The following HEATR6 variants were observed in gnomAD, a reference collection of about 807,000 sequenced individuals.
The protein encoded by HEATR6 is HEAT repeat containing 6.
HEATR6 carries 106 observed loss-of-function variants against 132.8 expected under a neutral mutation model. The ratio of observed to expected loss-of-function variants is 0.80; its 90% confidence interval spans 0.68 to 0.94. HEATR6 has a LOEUF of 0.94. Among genes scored for constraint, HEATR6 ranks in the 40% least tolerant of loss-of-function variants. The pLI is 0.00. For missense variants in HEATR6, 1,339 were observed against 1,425.1 expected (o/e 0.94, Z 0.97); for synonymous variants, 529 against 537.8 (o/e 0.98, Z 0.23).
At position 60,066,391 on chromosome 17, in the gene HEATR6, C is replaced by T. The variant is rs780457127; in HGVS notation, c.1239-5G>A. The T allele has an allele frequency of 1.3e-6, 2 of 1,551,444 alleles. No individual in the cohort carries two copies. Among genetic ancestry groups the T allele is most frequent in the East Asian group, 4.6e-5 (2 of 43,770 alleles). ...CGAACTTTAGCTTGGTAAGACCTTT[C>T]ATAACCAAGAGAAAAAAGAAAAAAC... On this transcript the variant is annotated splice_region_variant and splice_polypyrimidine_tract_variant and intron_variant, in intron 8 of 19. Coordinates refer to ENST00000184956, the MANE Select transcript of HEATR6 (RefSeq NM_022070.5).
chr17:60,067,226 C>T (rs890372082), intron 8 of HEATR6, among the ~76,000 whole-genome samples: 1 of 147,302 alleles, frequency 6.8e-6, no homozygotes, highest in Non-Finnish European at 1.5e-5. Context: ...GCCGAGATCC[C>T]GCCACTGCAC....
chr17:60,068,530 ATC>A (rs1338607950), intron 7 of HEATR6, among the ~76,000 whole-genome samples: 1 of 148,010 alleles, frequency 6.8e-6, no homozygotes, highest in Non-Finnish European at 1.5e-5. Flanking sequence ...TCTTTAATGA[ATC>A]TCTATTGCCT....
At chr17:60,074,677 A>G (rs1352862664) in intron 2 of HEATR6, among the ~76,000 whole-genome samples, 1 of 152,190 alleles carries the variant, frequency 6.6e-6, no homozygotes. Flanking sequence ...CTAAGGGTAA[A>G]CGCTAATTAG....
At chr17:60,051,896 C>A (rs1405824082) in intron 14 of HEATR6, among the ~76,000 whole-genome samples, 3 of 152,214 alleles carry the variant, frequency 2.0e-5, no homozygotes, top group African/African-American at 7.2e-5. Context: ...CACACAATTA[C>A]AGTCACCTAC....
rs2145187924 is a variant in HEATR6, at chr17:60,056,119, G to T, written c.2198C>A (p.Ala733Glu). 6.2e-7 allele frequency: 1 copy of T among 1,613,482 alleles called. No individual in the cohort carries two copies. The highest frequency in any genetic ancestry group is 8.5e-7 in the Non-Finnish European group (1 of 1,179,778). The change falls in exon 13 of 20, where the codon GCA becomes GAA. Residue 733 changes from alanine to glutamate, a missense_variant. Ala to Glu is a moderately radical substitution (Grantham distance 107). Coordinates refer to ENST00000184956, the MANE Select transcript of HEATR6 (RefSeq NM_022070.5). ...EADPSIQLHG[A>E]KLLEELGTGL... is the part of the protein sequence containing the mutation. ...TGTGGTTTTGATGAAAATTACCTTT[G>T]CTCCATGAAGCTGAATGGATGGATC...
chr17:60,048,214 G>A, intron 17 of HEATR6, 50 bp downstream of exon 17: 1 of 1,587,918 alleles, frequency 6.3e-7, no homozygotes, highest in Non-Finnish European at 8.6e-7. Flanking sequence ...ACATTCTCTT[G>A]GGCCCTCAAT....
rs1906404677 is a variant in HEATR6 at position 60,047,369 on chromosome 17, A to G, written c.2709T>C (p.Ser903=). The change falls in exon 18 of 20, where the codon TCT becomes TCC. Residue 903 remains serine (S), a synonymous_variant. Transcript: ENST00000184956. ...TPDPSFQEEF[S]GLLLLKMLRS... Reference sequence around the variant, plus strand: ...GTAACATTTTCAAGAGCAGGAGACCAGAGAACTCTTCCTGGAAACTTGGGT... The same window carrying G: ...GTAACATTTTCAAGAGCAGGAGACCGGAGAACTCTTCCTGGAAACTTGGGT... The G allele has an allele frequency of 6.2e-7, 1 of 1,613,250 alleles. No individual in the cohort carries two copies. The highest frequency in any genetic ancestry group is 1.7e-5 in the Admixed American group (1 of 59,890).
intron 16 of HEATR6, among the ~76,000 whole-genome samples, chr17:60,049,273 TGCATACCACCATGCCTG>T (rs2145182208): frequency 6.6e-6 from 1 of 151,380 alleles, no homozygotes; most frequent in Admixed American, 6.6e-5. Flanking sequence ...GGACTACAGG[TGCATACCACCATGCCTG>T]GCTAATTTTT....
At chr17:60,047,912 T>C (rs1906426737) in intron 17 of HEATR6, among the ~76,000 whole-genome samples, 1 of 152,240 alleles carries the variant, frequency 6.6e-6, no homozygotes, top group African/African-American at 2.4e-5. Context: ...TTGTACTATC[T>C]GGATTTTTTT....
intron 1 of HEATR6, 169 bp from the exon 2 acceptor site, chr17:60,076,406 A>G (rs2083296829): frequency 1.8e-6 from 1 of 566,982 alleles, no homozygotes; most frequent in Admixed American, 3.1e-5. Flanking sequence ...AGCATGTGCT[A>G]AAAAAGAAGG....
intron 1 of HEATR6, 147 bp downstream of exon 1, chr17:60,078,549 T>C: frequency 1.5e-6 from 1 of 659,080 alleles, no homozygotes. Context: ...GAACTAAGAA[T>C]GTGCCAAGGT....
chr17:60,048,716 A>G (rs1475246917), intron 16 of HEATR6, among the ~76,000 whole-genome samples: 2 of 152,160 alleles, frequency 1.3e-5, no homozygotes, highest in Middle Eastern at 3.4e-3. Flanking sequence ...TCGGGAAATA[A>G]TGTTCTGAAA....
Position 60,061,822 on chromosome 17 carries a change from G to A in HEATR6, c.1417-1726C>T, listed in dbSNP as rs1008441099. 2.0e-5 allele frequency among the ~76,000 whole-genome samples: 3 copies of A among 152,346 alleles called. No homozygotes were observed. The East Asian group carries it at 5.8e-4, about 29-fold the overall frequency. On this transcript the variant is annotated intron_variant, in intron 9 of 19. Transcript: ENST00000184956. The stretch of plus-strand genomic sequence containing the variant: ...GCCAATCCCTACTAGAGGCTCGTCC[G>A]AACTCAACAAGATAGATCTTATGCT...
chr17:60,043,572 T>G lies in HEATR6; in HGVS notation c.3537A>C (p.Thr1179=), dbSNP rs562782641. 5.0e-6 allele frequency: 8 copies of G among 1,608,292 alleles called. No homozygotes were observed. In the Admixed American group the frequency reaches 1.2e-4, roughly 24 times the overall value. The change falls in exon 20 of 20, where the codon ACA becomes ACC. Residue 1179 remains threonine (T), a synonymous_variant. Coordinates refer to ENST00000184956, the MANE Select transcript of HEATR6 (RefSeq NM_022070.5). ...SGSQGALPGL[T]NQ Reference sequence around the variant, plus strand: ...AAGTATGGTGGGATCTTCACTGATTTGTTAACCCTGGGAGTGCCCCTTGTG... The same window carrying G: ...AAGTATGGTGGGATCTTCACTGATTGGTTAACCCTGGGAGTGCCCCTTGTG...
chr17:60,050,864 T>C lies in HEATR6; in HGVS notation c.2403A>G (p.Pro801=), dbSNP rs766603241. The C allele has an allele frequency of 1.8e-5, 29 of 1,614,070 alleles. 1 individual carries two copies. The South Asian group carries it at 3.1e-4, about 17-fold the overall frequency. Residue 801 remains proline (P), a synonymous_variant, in exon 15 of 20, where the codon CCA becomes CCG. Transcript: ENST00000184956. ...SACDALSSIL[P]EAFSNLPNDR... is the part of the protein sequence containing the mutation. ...TTACCGGCAGATTGCTGAAGGCCTC[T>C]GGCAAGATGGAAGACAGGGCATCAC...
intron 2 of HEATR6, among the ~76,000 whole-genome samples, chr17:60,074,448 G>T: frequency 6.6e-6 from 1 of 152,198 alleles, no homozygotes; most frequent in East Asian, 1.9e-4. Flanking sequence ...AGGTGCCACA[G>T]GTGATCAGGA....
At position 60,066,233 on chromosome 17, in the gene HEATR6, A is replaced by G; in HGVS notation, c.1392T>C (p.Leu464=). The G allele has an allele frequency of 6.2e-7, 1 of 1,613,720 alleles. No individual in the cohort carries two copies. Among genetic ancestry groups the G allele is most frequent in the East Asian group, 2.2e-5 (1 of 44,874 alleles). ...GSPQSVSLMT[L]TLKDPSPKTR... ...CCTTTGGAGAAGGGTCTTTCAATGT[A>G]AGAGTCATCAAGGACACTGACTGTG... The change falls in exon 9 of 20, where the codon CTT becomes CTC. Residue 464 remains leucine (L), a synonymous_variant. Coordinates refer to ENST00000184956, the MANE Select transcript of HEATR6 (RefSeq NM_022070.5).
chr17:60,046,192 A>C lies in HEATR6; in HGVS notation c.2807T>G (p.Leu936Arg). Residue 936 changes from leucine to arginine, a missense_variant, in exon 19 of 20, where the codon CTT becomes CGT. Coordinates refer to ENST00000184956, the MANE Select transcript of HEATR6 (RefSeq NM_022070.5). ...TATATGAGAGGGTTGCAGAAAATGA[A>C]GCAAATTTCCAAGGGCCCGGACTGC... ...SNAVRALGNL[L>R]HFLQPSHIEK... 1 of 1,613,934 alleles carries C rather than the reference A, an allele frequency of 6.2e-7. No homozygotes were observed. The highest frequency in any genetic ancestry group is 8.5e-7 in the Non-Finnish European group (1 of 1,179,914).
intron 16 of HEATR6, among the ~76,000 whole-genome samples, chr17:60,048,703 G>A (rs944858893): frequency 8.6e-5 from 13 of 152,006 alleles, no homozygotes; most frequent in Admixed American, 5.2e-4. Context: ...GTTGATTTCC[G>A]TCTCGGGAAA....
Sources: allele counts gnomAD v4.1 joint callset (sites outside exome capture counted in the v4.1 genomes callset), GRCh38; gene constraint gnomAD v4.1.1; transcripts MANE v1.5; gene names NCBI Gene and HGNC (gene_info 2026-07-23, HGNC 2026-07-21).